GRM7: variants seen among roughly 807,000 people sequenced by gnomAD.
GRM7 encodes metabotropic glutamate receptor 7.
Under a neutral mutation model 84.5 loss-of-function variants are expected in GRM7, and 35 were observed. The observed-to-expected ratio is 0.41, with a 90% CI of 0.32 to 0.55. The LOEUF (loss-of-function observed/expected upper bound fraction) is 0.55, where lower values mean the gene tolerates loss of function less well. GRM7 is among the 20% of genes least tolerant of loss of function. GRM7 has a pLI of 0.19. For synonymous variants in GRM7, 487 were observed against 455.1 expected (o/e 1.07, Z -0.89); for missense variants, 1,003 against 1,194.6 (o/e 0.84, Z 2.36).
chr3:7,631,127 C>A (rs1480589860), intron 8 of GRM7, among the ~76,000 whole-genome samples: 2 of 152,220 alleles, frequency 1.3e-5, no homozygotes, highest in Admixed American at 6.5e-5. Flanking sequence ...GGGGACCAGA[C>A]AGCAGGAGTA....
Position 7,247,161 on chromosome 3 carries a change from CAT to C in GRM7, c.737-51521_737-51520del, listed in dbSNP as rs1175232955. 5.9e-5 allele frequency among the ~76,000 whole-genome samples: 9 copies of C among 152,110 alleles called. No individual in the cohort carries two copies. The East Asian group carries it at 1.2e-3, about 20-fold the overall frequency. ...TCAACATACATGAATATTAATCAGT[CAT>C]AATTAAATTTAAGAGTTAAACCTAT... On this transcript the variant is annotated intron_variant, in intron 2 of 9. Coordinates refer to ENST00000357716, the MANE Select transcript of GRM7 (RefSeq NM_000844.4).
At chr3:7,160,019 C>G (rs182025509) in intron 2 of GRM7, among the ~76,000 whole-genome samples, 81 of 152,180 alleles carry the variant, frequency 5.3e-4, no homozygotes, top group African/African-American at 1.9e-3. Flanking sequence ...GTCAGGTGCC[C>G]AGCTTCGAGG....
chr3:7,040,942 G>A (rs1696582919), intron 1 of GRM7, among the ~76,000 whole-genome samples: 1 of 151,884 alleles, frequency 6.6e-6, no homozygotes, highest in Non-Finnish European at 1.5e-5. Context: ...AATTTCCTAG[G>A]TGTGGTGGTG....
chr3:7,562,320 G>T (rs1430283161), intron 7 of GRM7, among the ~76,000 whole-genome samples: 1 of 151,432 alleles, frequency 6.6e-6, no homozygotes, highest in African/African-American at 2.4e-5. Context: ...TAAAACCCAA[G>T]TGAAGTAATA....
chr3:6,869,939 C>T (rs988211273), intron 1 of GRM7, among the ~76,000 whole-genome samples: 2 of 152,090 alleles, frequency 1.3e-5, no homozygotes, highest in African/African-American at 4.8e-5. Context: ...TATTAAACAC[C>T]TTCCATGTGC....
intron 2 of GRM7, among the ~76,000 whole-genome samples, chr3:7,165,549 C>T (rs1292449517): frequency 6.6e-6 from 1 of 152,154 alleles, no homozygotes; most frequent in African/African-American, 2.4e-5. Flanking sequence ...AAAATTTCCA[C>T]TAACAGAATG....
At chr3:7,114,561 C>T (rs544108625) in intron 1 of GRM7, among the ~76,000 whole-genome samples, 2 of 152,168 alleles carry the variant, frequency 1.3e-5, no homozygotes, top group East Asian at 1.9e-4. Flanking sequence ...TCTAATACAG[C>T]CACAAAAAGG....
intron 9 of GRM7, among the ~76,000 whole-genome samples, chr3:7,733,433 G>C (rs1156563753): frequency 6.6e-6 from 1 of 152,160 alleles, no homozygotes; most frequent in South Asian, 2.1e-4. Context: ...TTTGTTTCTG[G>C]TGGCTCCACC....
At chr3:6,946,721 C>T (rs1253812246) in intron 1 of GRM7, among the ~76,000 whole-genome samples, 1 of 152,086 alleles carries the variant, frequency 6.6e-6, no homozygotes, top group Non-Finnish European at 1.5e-5. Flanking sequence ...TTGTTTATAT[C>T]CTCTTTTATT....
chr3:6,880,267 G>A (rs979714850), intron 1 of GRM7, among the ~76,000 whole-genome samples: 6 of 152,098 alleles, frequency 3.9e-5, no homozygotes, highest in Admixed American at 6.5e-5. Context: ...GAATAGTGGG[G>A]AAAAATTACT....
intron 4 of GRM7, among the ~76,000 whole-genome samples, chr3:7,320,298 T>A (rs9854204): frequency 6.6e-6 from 1 of 151,892 alleles, no homozygotes; most frequent in East Asian, 1.9e-4. Flanking sequence ...AATAAAAGTT[T>A]TATGTGACAC....
intron 9 of GRM7, among the ~76,000 whole-genome samples, chr3:7,695,182 AGACTCTCCAGACT>A (rs201840740): frequency 0.012 from 1,754 of 152,292 alleles, 21 homozygotes; most frequent in Middle Eastern, 0.048. Context: ...CTCTCTCAAG[AGACTCTCCAGACT>A]GGTGTTGCAG....
chr3:7,416,982 G>A (rs1696186919), intron 5 of GRM7, among the ~76,000 whole-genome samples: 1 of 152,060 alleles, frequency 6.6e-6, no homozygotes, highest in African/African-American at 2.4e-5. Flanking sequence ...TCGGTTGATG[G>A]ACGTTAGGAT....
At chr3:7,059,157 T>A (rs954573889) in intron 1 of GRM7, among the ~76,000 whole-genome samples, 1 of 151,862 alleles carries the variant, frequency 6.6e-6, no homozygotes, top group South Asian at 2.1e-4. Context: ...TCCCCTACTT[T>A]ACATTTTACA....
intron 2 of GRM7, among the ~76,000 whole-genome samples, chr3:7,173,379 C>G (rs1400245360): frequency 3.3e-5 from 5 of 152,170 alleles, no homozygotes; most frequent in East Asian, 1.9e-4. Context: ...CTGCTCTCCC[C>G]ACCCCTCTCC....
intron 1 of GRM7, among the ~76,000 whole-genome samples, chr3:6,963,885 A>G (rs941890736): frequency 6.6e-6 from 1 of 152,180 alleles, no homozygotes; most frequent in African/African-American, 2.4e-5. Context: ...CAGATTTGCC[A>G]TGCTGAAGTT....
intron 9 of GRM7, among the ~76,000 whole-genome samples, chr3:7,702,964 T>G (rs1000111664): frequency 4.6e-5 from 7 of 152,172 alleles, no homozygotes; most frequent in Non-Finnish European, 8.8e-5. Context: ...CTAGCTAAAA[T>G]ATGGATATTC....
In GRM7 at chr3:7,679,663, A is replaced by C. The variant is rs1700283020; in HGVS notation, c.2452-386A>C. Among the ~76,000 whole-genome samples, 3 of 152,152 alleles carry C rather than the reference A, an allele frequency of 2.0e-5. No homozygotes were observed. In the South Asian group the frequency reaches 6.2e-4, roughly 32 times the overall value. On this transcript the variant is annotated intron_variant, in intron 8 of 9. Coordinates refer to ENST00000357716, the MANE Select transcript of GRM7 (RefSeq NM_000844.4). ...TGTAGGAAGAAATCATGGAGTGTGA[A>C]CCCTCTTTTACATGTATGAAAGATA... is the stretch of plus-strand genomic sequence containing the variant.
chr3:7,548,138 G>A (rs1235215783), intron 7 of GRM7, among the ~76,000 whole-genome samples: 2 of 152,212 alleles, frequency 1.3e-5, no homozygotes, highest in East Asian at 1.9e-4. Flanking sequence ...CCAGACACTG[G>A]AAGTGAGGCC....
Sources: gnomAD v4.1 joint callset for allele counts (sites outside exome capture counted in the v4.1 genomes callset) on GRCh38, gnomAD v4.1.1 for gene constraint, MANE v1.5 for transcripts, NCBI Gene and HGNC (gene_info 2026-07-23, HGNC 2026-07-21) for gene names.